The following SUZ12 variants were observed in gnomAD, a reference collection of about 807,000 sequenced individuals.
The protein encoded by SUZ12 is SUZ12 polycomb repressive complex 2 subunit.
In SUZ12, 17 loss-of-function variants were observed where a neutral mutation model predicts 87.3. That is an observed-to-expected ratio of 0.19 (90% CI 0.13 to 0.29). The LOEUF (loss-of-function observed/expected upper bound fraction) is 0.29, where lower values mean the gene tolerates loss of function less well. Among genes scored for constraint, SUZ12 ranks in the 10% least tolerant of loss-of-function variants. The probability of loss-of-function intolerance (pLI) is 1.00; values close to 1 mark genes in which losing one functional copy is unlikely to be tolerated. For missense variants in SUZ12, 526 were observed against 912.2 expected, an observed-to-expected ratio of 0.58 and a Z score of 5.45; for synonymous variants, 253 against 312.4, an observed-to-expected ratio of 0.81 and a Z score of 2.01.
intron 1 of SUZ12, among the ~76,000 whole-genome samples, chr17:31,939,799 T>C (rs755059410): frequency 6.6e-6 from 1 of 152,206 alleles, no homozygotes; most frequent in Non-Finnish European, 1.5e-5. Context: ...GTGCTGGGAA[T>C]ACAGGCATGA....
chr17:31,982,415 ACTT>A (rs1167915773), intron 8 of SUZ12, among the ~76,000 whole-genome samples: 2 of 152,156 alleles, frequency 1.3e-5, no homozygotes, highest in African/African-American at 4.8e-5. Flanking sequence ...TAATCCCAGC[ACTT>A]TAGGAGGCCA....
chr17:31,947,710 T>A, intron 4 of SUZ12, 25 bp downstream of exon 4: 1 of 1,595,528 alleles, frequency 6.3e-7, no homozygotes, highest in Non-Finnish European at 8.5e-7. Context: ...CAGTTTACAT[T>A]AAGTGATATA....
intron 11 of SUZ12, 82 bp from the exon 12 acceptor site, chr17:31,993,783 C>A: frequency 7.3e-7 from 1 of 1,368,418 alleles, no homozygotes; most frequent in Non-Finnish European, 9.9e-7. Flanking sequence ...ATTTTTTAAA[C>A]TATTTTTAGA....
chr17:31,977,667 G>A (rs1908840639), intron 8 of SUZ12, among the ~76,000 whole-genome samples: 1 of 152,130 alleles, frequency 6.6e-6, no homozygotes, highest in Non-Finnish European at 1.5e-5. Context: ...GCAGTGGGTG[G>A]ATCACGAGGT....
intron 4 of SUZ12, among the ~76,000 whole-genome samples, chr17:31,953,782 C>G (rs902857293): frequency 1.2e-4 from 18 of 147,760 alleles, no homozygotes; most frequent in Non-Finnish European, 1.6e-4. Context: ...GGCGCGATCT[C>G]GGCTCACTGC....
At chr17:31,938,809 C>T (rs1906098080) in intron 1 of SUZ12, among the ~76,000 whole-genome samples, 1 of 152,204 alleles carries the variant, frequency 6.6e-6, no homozygotes, top group African/African-American at 2.4e-5. Context: ...TGTTAAGACA[C>T]ATCCTCCAAG....
In SUZ12 at chr17:31,937,413, C is replaced by G; in HGVS notation, c.167C>G (p.Ser56Cys). The G allele has an allele frequency of 3.2e-6, 5 of 1,542,718 alleles. No homozygotes were observed. The highest frequency in any genetic ancestry group is 4.4e-6 in the Non-Finnish European group (5 of 1,144,896). The change falls in exon 1 of 16, where the codon TCC becomes TGC. Residue 56 changes from serine (S) to cysteine (C), a missense_variant. Physicochemically the swap from Ser to Cys is moderately radical, Grantham distance 112. This residue lies in a region of SUZ12 where 92 missense variants were observed against 109.9 expected (regional missense o/e 0.84). Coordinates refer to ENST00000322652, the MANE Select transcript of SUZ12 (RefSeq NM_015355.4). ...CGGGGSYSAS[S>C]SSSAAAAAGA... ...GGGGGTGGCAGTTACTCGGCCTCCTCCTCCTCCTCCGCGGCGGCAGCGGCG... is the reference window on the plus strand; with the variant it reads ...GGGGGTGGCAGTTACTCGGCCTCCTGCTCCTCCTCCGCGGCGGCAGCGGCG...
At chr17:31,991,804 T>G (rs1243995893) in intron 10 of SUZ12, among the ~76,000 whole-genome samples, 2 of 151,884 alleles carry the variant, frequency 1.3e-5, no homozygotes, top group Non-Finnish European at 2.9e-5. Flanking sequence ...TTCACCATGT[T>G]AGGCAGGCTG....
At chr17:31,975,006 T>G (rs1028828575) in intron 6 of SUZ12, among the ~76,000 whole-genome samples, 41 of 152,202 alleles carry the variant, frequency 2.7e-4, no homozygotes, top group Non-Finnish European at 8.8e-5. Flanking sequence ...TGTTTCATAA[T>G]GTAGTTGTTG....
chr17:31,946,937 C>T (rs2142127980), intron 3 of SUZ12, among the ~76,000 whole-genome samples: 1 of 152,278 alleles, frequency 6.6e-6, no homozygotes, highest in East Asian at 1.9e-4. Context: ...CATTCCCTAA[C>T]TTCAAAATTT....
At chr17:31,986,433 T>C (rs1909423821) in intron 9 of SUZ12, among the ~76,000 whole-genome samples, 1 of 152,222 alleles carries the variant, frequency 6.6e-6, no homozygotes, top group Non-Finnish European at 1.5e-5. Context: ...AAAATGTTAA[T>C]AGTGATTATA....
rs552183316 is a variant in SUZ12, at chr17:31,964,559, A to G, written c.456-1588A>G. On this transcript the variant is annotated intron_variant, in intron 4 of 15. Transcript: ENST00000322652. ...GTAGCTGAGACTACAGCCATGTGCC[A>G]CCATACCCAGCTAATTTTTGTATTT... Among the ~76,000 whole-genome samples the G allele has an allele frequency of 2.4e-3, 364 of 152,004 alleles. 1 individual carries two copies. Among genetic ancestry groups the G allele is most frequent in the Middle Eastern group, 0.024 (7 of 294 alleles).
At chr17:31,992,787 A>C (rs1211686113) in intron 10 of SUZ12, among the ~76,000 whole-genome samples, 1 of 149,164 alleles carries the variant, frequency 6.7e-6, no homozygotes, top group Non-Finnish European at 1.5e-5. Flanking sequence ...GGCTCACTGC[A>C]ACCTCCGCCT....
At chr17:31,958,999 C>T (rs1231332332) in intron 4 of SUZ12, among the ~76,000 whole-genome samples, 3 of 152,182 alleles carry the variant, frequency 2.0e-5, no homozygotes, top group African/African-American at 7.2e-5. Context: ...GCCTGGGTGA[C>T]AGAGGGAGAC....
chr17:31,989,905 A>T (rs1011127362), intron 10 of SUZ12, among the ~76,000 whole-genome samples: 1 of 151,056 alleles, frequency 6.6e-6, no homozygotes, highest in Non-Finnish European at 1.5e-5. Flanking sequence ...CACTGTGCCC[A>T]GCCCAGGAAC....
At chr17:31,955,469 C>T (rs537593754) in intron 4 of SUZ12, among the ~76,000 whole-genome samples, 3 of 151,790 alleles carry the variant, frequency 2.0e-5, no homozygotes, top group South Asian at 2.1e-4. Context: ...ATTTTGTAGC[C>T]GGGGCACGGT....
intron 12 of SUZ12, chr17:31,994,250 ATAAT>A: frequency 2.2e-6 from 1 of 455,766 alleles, no homozygotes; most frequent in South Asian, 4.4e-5. Context: ...ATTTGGAATT[ATAAT>A]TAATGTTTGT....
At chr17:31,958,762 C>T (rs1304404032) in intron 4 of SUZ12, among the ~76,000 whole-genome samples, 1 of 152,188 alleles carries the variant, frequency 6.6e-6, no homozygotes, top group African/African-American at 2.4e-5. Flanking sequence ...AGGAGAATTG[C>T]TTAAACCTGG....
chr17:31,938,035 C>T (rs1598141779), intron 1 of SUZ12, among the ~76,000 whole-genome samples: 1 of 150,998 alleles, frequency 6.6e-6, no homozygotes, highest in African/African-American at 2.4e-5. Context: ...ATGCTTAAAA[C>T]CCTTCAAATC....
Sources: gnomAD v4.1 joint callset for allele counts (sites outside exome capture counted in the v4.1 genomes callset) on GRCh38, gnomAD v4.1.1 for gene constraint, gnomAD v4.1.1 regional missense constraint, MANE v1.5 for transcripts, NCBI Gene and HGNC (gene_info 2026-07-23, HGNC 2026-07-21) for gene names.